Variants in MORC2 observed in about 807,000 individuals in gnomAD.
The protein encoded by MORC2 is MORC family CW-type zinc finger 2.
MORC2 carries 30 observed loss-of-function variants against 136.0 expected under a neutral mutation model. The ratio of observed to expected loss-of-function variants is 0.22; its 90% confidence interval spans 0.17 to 0.30. The LOEUF (loss-of-function observed/expected upper bound fraction) is 0.30. Ranked by LOEUF, MORC2 falls within the 10% of genes least tolerant of loss-of-function variation. The pLI is 1.00. For synonymous variants in MORC2, 439 were observed against 487.0 expected (o/e 0.90, Z 1.30); for missense variants, 922 against 1,333.1 (o/e 0.69, Z 4.80).
Position 30,928,084 on chromosome 22 carries a change from C to T in MORC2, c.2965G>A (p.Glu989Lys). 4 of 1,614,116 alleles carry T rather than the reference C, an allele frequency of 2.5e-6. No homozygotes were observed. The South Asian group carries it at 3.3e-5, about 13-fold the overall frequency. Reference sequence around the variant, plus strand: ...AGCTTCTGCAGCTTCTCCTCCGTCTCGCGGAGCTTCCTCTCGGAGGTGCGC... The same window carrying T: ...AGCTTCTGCAGCTTCTCCTCCGTCTTGCGGAGCTTCCTCTCGGAGGTGCGC... ...SLRTSERKLR[E>K]TEEKLQKLRT... Residue 989 changes from glutamate to lysine, a missense_variant, in exon 25 of 26, where the codon GAG becomes AAG. This residue lies in a region of MORC2 where 263 missense variants were observed against 388.3 expected (regional missense o/e 0.68). Transcript: ENST00000397641.
In MORC2 at chr22:30,926,436, T is replaced by C. The variant is rs2040483328; in HGVS notation, c.*367A>G. 6.3e-6 allele frequency: 1 copy of C among 158,416 alleles called. No homozygotes were observed. Among genetic ancestry groups the C allele is most frequent in the South Asian group, 2.0e-4 (1 of 5,012 alleles). The allele number at this position is 158,416 out of a possible 1,614,324, so 9.8% of individuals were successfully genotyped here. Reference sequence around the variant, plus strand: ...AAAAGTCAGCCCTGCCCCTGGAGCTTCTCCAAGATGGCACTGGACTCGCCG... The same window carrying C: ...AAAAGTCAGCCCTGCCCCTGGAGCTCCTCCAAGATGGCACTGGACTCGCCG... On this transcript the variant is annotated 3_prime_UTR_variant, in exon 26 of 26. Coordinates refer to ENST00000397641, the MANE Select transcript of MORC2 (RefSeq NM_001303256.3).
intron 1 of MORC2, among the ~76,000 whole-genome samples, chr22:30,962,030 T>C (rs1295190570): frequency 6.6e-6 from 1 of 151,940 alleles, no homozygotes; most frequent in Non-Finnish European, 1.5e-5. Context: ...ACCCTGACTC[T>C]ACTAAAAATA....
At chr22:30,962,041 C>G (rs936538157) in intron 1 of MORC2, among the ~76,000 whole-genome samples, 2 of 151,652 alleles carry the variant, frequency 1.3e-5, no homozygotes, top group African/African-American at 4.8e-5. Context: ...ACTAAAAATA[C>G]AAAAAAATTA....
At chr22:30,940,097 TC>T in intron 10 of MORC2, 56 bp from the exon 11 acceptor site, 2 of 1,554,100 alleles carry the variant, frequency 1.3e-6, no homozygotes, top group Admixed American at 3.4e-5. Flanking sequence ...CTCTTGGTCA[TC>T]CCTCCTGGAT....
chr22:30,959,581 C>CT (rs1185276800), intron 1 of MORC2, among the ~76,000 whole-genome samples: 1 of 152,106 alleles, frequency 6.6e-6, no homozygotes, highest in Non-Finnish European at 1.5e-5. Context: ...AATTTGTGCT[C>CT]TTTTCCACAA....
intron 5 of MORC2, among the ~76,000 whole-genome samples, chr22:30,948,891 C>T (rs779188464): frequency 5.3e-5 from 8 of 152,142 alleles, no homozygotes; most frequent in Non-Finnish European, 1.0e-4. Flanking sequence ...TCACAAAGTC[C>T]GGATACCAGG....
chr22:30,928,317 T>TTA, intron 24 of MORC2, 110 bp from the exon 25 acceptor site: 1 of 1,024,302 alleles, frequency 9.8e-7, no homozygotes, highest in Admixed American at 2.1e-5. Flanking sequence ...ATGCCTGGTC[T>TTA]GAAGGAACAT....
At chr22:30,950,353 C>CCCCAAAAAAAAA in intron 4 of MORC2, 24 bp downstream of exon 4, 2 of 1,481,954 alleles carry the variant, frequency 1.3e-6, no homozygotes, top group Non-Finnish European at 1.9e-6. Context: ...CCCCACCCCC[C>CCCCAAAAAAAAA]AAAACAATAA....
chr22:30,960,380 T>A (rs1398066266), intron 1 of MORC2, among the ~76,000 whole-genome samples: 2 of 150,764 alleles, frequency 1.3e-5, no homozygotes, highest in African/African-American at 4.8e-5. Flanking sequence ...ACGACAAATA[T>A]GTTATAACCA....
intron 16 of MORC2, 111 bp from the exon 17 acceptor site, chr22:30,936,754 G>A: frequency 5.6e-6 from 8 of 1,416,498 alleles, no homozygotes; most frequent in Non-Finnish European, 6.8e-6. Context: ...CCACCTCAGA[G>A]TTCCCAATGC....
chr22:30,942,706 T>C (rs918710824), intron 6 of MORC2, among the ~76,000 whole-genome samples: 24 of 151,914 alleles, frequency 1.6e-4, no homozygotes, highest in Admixed American at 1.2e-3. Flanking sequence ...CCAGTAAACA[T>C]GTACAAAAAT....
chr22:30,928,682 A>G (rs1442380655), intron 24 of MORC2, among the ~76,000 whole-genome samples: 3 of 152,156 alleles, frequency 2.0e-5, no homozygotes, highest in Non-Finnish European at 4.4e-5. Context: ...AGTAGTATAT[A>G]CTTCTACAGC....
At position 30,940,746 on chromosome 22, in the gene MORC2, G is replaced by C; in HGVS notation, c.904+12C>G. The C allele has an allele frequency of 6.2e-7, 1 of 1,613,122 alleles. No individual in the cohort carries two copies. The highest frequency in any genetic ancestry group is 8.5e-7 in the Non-Finnish European group (1 of 1,179,134). On this transcript the variant is annotated intron_variant, in intron 10 of 25. Coordinates refer to ENST00000397641, the MANE Select transcript of MORC2 (RefSeq NM_001303256.3). ...CACACCCCCCCAACTCCTGCACCCA[G>C]AGTGGCATTACCAATCCTTGCTACG...
chr22:30,944,946 A>G (rs1183097106), intron 6 of MORC2, among the ~76,000 whole-genome samples: 1 of 152,218 alleles, frequency 6.6e-6, no homozygotes. Context: ...TTCTTAAAAG[A>G]ATCTGATACT....
intron 24 of MORC2, among the ~76,000 whole-genome samples, chr22:30,929,259 A>C (rs1469608277): frequency 6.6e-6 from 1 of 152,252 alleles, no homozygotes; most frequent in Non-Finnish European, 1.5e-5. Flanking sequence ...GGTTTGTAAT[A>C]ATTTTTTCTT....
chr22:30,934,640 G>T lies in MORC2; in HGVS notation c.2193+141C>A. On this transcript the variant is annotated intron_variant, in intron 19 of 25. Transcript: ENST00000397641. This position sits in a 1 kb window ranked among gnomAD's most constrained non-coding sequence, Gnocchi z 4.4. ...CCAACAAGTCCGTTCAGCTATCAAGGCTTCCCGTCCTCAGGGGCAGCAGCA... is the reference window on the plus strand; with the variant it reads ...CCAACAAGTCCGTTCAGCTATCAAGTCTTCCCGTCCTCAGGGGCAGCAGCA... 1 of 1,242,162 alleles carries T rather than the reference G, an allele frequency of 8.1e-7. No homozygotes were observed. The highest frequency in any genetic ancestry group is 1.1e-6 in the Non-Finnish European group (1 of 894,336). 76.9% of individuals were successfully genotyped at this position (1,242,162 alleles called of 1,614,324 possible).
chr22:30,958,721 C>T, intron 1 of MORC2, 27 bp from the exon 2 acceptor site: 1 of 1,514,730 alleles, frequency 6.6e-7, no homozygotes, highest in South Asian at 1.2e-5. Context: ...TAAAAGTCAG[C>T]AAAAGAATTA....
At chr22:30,931,288 A>C (rs550567075) in intron 24 of MORC2, among the ~76,000 whole-genome samples, 4 of 152,352 alleles carry the variant, frequency 2.6e-5, no homozygotes, top group African/African-American at 9.6e-5. Context: ...AACACAGCAC[A>C]TCCATTCCTT....
intron 25 of MORC2, 79 bp from the exon 26 acceptor site, chr22:30,926,950 C>T: frequency 8.0e-7 from 1 of 1,257,350 alleles, no homozygotes. Flanking sequence ...TCTCTCAGCT[C>T]CTGGGATGGA....
Sources: allele counts gnomAD v4.1 joint callset (sites outside exome capture counted in the v4.1 genomes callset), GRCh38; gene constraint gnomAD v4.1.1; regional missense constraint gnomAD v4.1.1; non-coding constraint Gnocchi (gnomAD v3.1); transcripts MANE v1.5; gene names NCBI Gene and HGNC (gene_info 2026-07-23, HGNC 2026-07-21).